The following DNAH3 variants were observed in gnomAD, a reference collection of about 807,000 sequenced individuals.
DNAH3 encodes dynein axonemal heavy chain 3.
Under a neutral mutation model 432.5 loss-of-function variants are expected in DNAH3, and 332 were observed. That is an observed-to-expected ratio of 0.77 (90% CI 0.70 to 0.84). DNAH3 has a LOEUF of 0.84. DNAH3 is among the 40% of genes least tolerant of loss of function. DNAH3 has a pLI of 0.00. For missense variants in DNAH3, 4,861 were observed against 5,114.0 expected, an observed-to-expected ratio of 0.95 and a Z score of 1.51; for synonymous variants, 1,956 against 1,900.2, an observed-to-expected ratio of 1.03 and a Z score of -0.76.
At chr16:21,068,082 G>C (rs565302580) in intron 23 of DNAH3, among the ~76,000 whole-genome samples, 1 of 152,168 alleles carries the variant, frequency 6.6e-6, no homozygotes, top group Non-Finnish European at 1.5e-5. Context: ...AAGCAGGGAA[G>C]ACAAATTGCT....
At chr16:21,029,630 A>C (rs944264602) in intron 37 of DNAH3, among the ~76,000 whole-genome samples, 2 of 152,180 alleles carry the variant, frequency 1.3e-5, no homozygotes, top group Non-Finnish European at 2.9e-5. Context: ...CCAGAGTCCA[A>C]GCTCTTTTAG....
At chr16:20,958,798 C>T (rs1596953871) in intron 54 of DNAH3, among the ~76,000 whole-genome samples, 1 of 152,132 alleles carries the variant, frequency 6.6e-6, no homozygotes, top group African/African-American at 2.4e-5. Flanking sequence ...GAGGAAGTCT[C>T]ACTCTGTCGC....
chr16:20,945,048 C>T (rs1401227951), intron 57 of DNAH3, among the ~76,000 whole-genome samples: 1 of 152,138 alleles, frequency 6.6e-6, no homozygotes, highest in Non-Finnish European at 1.5e-5. Context: ...ACCTAGTGGG[C>T]TGCATTCTTA....
intron 5 of DNAH3, among the ~76,000 whole-genome samples, chr16:21,137,949 G>A (rs998424798): frequency 1.3e-5 from 2 of 152,050 alleles, no homozygotes; most frequent in Non-Finnish European, 2.9e-5. Flanking sequence ...TTAAGTTTCA[G>A]ATCAGAAGAG....
chr16:21,046,437 C>A (rs1173806839), intron 31 of DNAH3, among the ~76,000 whole-genome samples: 1 of 151,042 alleles, frequency 6.6e-6, no homozygotes, highest in South Asian at 2.1e-4. Flanking sequence ...TAATGGCCTT[C>A]TTTGTCTCTT....
chr16:21,104,967 G>A (rs1015607990), intron 15 of DNAH3, among the ~76,000 whole-genome samples: 2 of 152,110 alleles, frequency 1.3e-5, no homozygotes, highest in Non-Finnish European at 1.5e-5. Flanking sequence ...TGATGCTCTC[G>A]TTCCACAGTT....
chr16:21,050,016 G>C, exon 30 of DNAH3: 1 of 1,609,418 alleles, frequency 6.2e-7, no homozygotes, highest in Non-Finnish European at 8.5e-7. Context: ...TCCCATCAGT[G>C]TCCTATGGGG....
intron 61 of DNAH3, 105 bp downstream of exon 61, chr16:20,935,243 G>A (rs1052745889): frequency 1.5e-6 from 2 of 1,340,372 alleles, no homozygotes; most frequent in African/African-American, 1.5e-5. Flanking sequence ...CATTTCAGAA[G>A]CATTTGGGTC....
chr16:21,106,422 T>C, intron 15 of DNAH3, 68 bp downstream of exon 15: 1 of 1,246,180 alleles, frequency 8.0e-7, no homozygotes, highest in Non-Finnish European at 1.1e-6. Context: ...TTTGAAATGT[T>C]ATATATACAA....
At position 21,034,007 on chromosome 16, in the gene DNAH3, CT is replaced by C; in HGVS notation, c.5163del (p.Val1722CysfsTer42). The C allele has an allele frequency of 6.2e-7, 1 of 1,613,856 alleles. No individual in the cohort carries two copies. The highest frequency in any genetic ancestry group is 8.5e-7 in the Non-Finnish European group (1 of 1,179,850). Reference sequence around the variant, plus strand: ...AAATCGCCGAGAGCTGCAGCCAACACTTTATAAGCAGAGGTCTTGCCGCCCA... The same window carrying C: ...AAATCGCCGAGAGCTGCAGCCAACACTTATAAGCAGAGGTCTTGCCGCCCA... On this transcript the variant is annotated frameshift_variant, in exon 36 of 62. Transcript: ENST00000261383. LOFTEE classifies it high-confidence loss of function.
intron 37 of DNAH3, among the ~76,000 whole-genome samples, chr16:21,027,445 C>T (rs1201223489): frequency 6.6e-6 from 1 of 152,106 alleles, no homozygotes; most frequent in Non-Finnish European, 1.5e-5. Flanking sequence ...CATATATCTA[C>T]ACATACATAT....
chr16:21,106,176 CTAAAAAAAAAA>C (rs1303076234), intron 15 of DNAH3, among the ~76,000 whole-genome samples: 16 of 99,584 alleles, frequency 1.6e-4, no homozygotes, highest in South Asian at 1.5e-3. Flanking sequence ...GAGACTCCAT[CTAAAAAAAAAA>C]AAAAAAAAAA....
In DNAH3 at chr16:21,041,529, A is replaced by G. The variant is rs1348806487; in HGVS notation, c.4638+498T>C. 3.3e-5 allele frequency among the ~76,000 whole-genome samples: 5 copies of G among 152,160 alleles called. No individual in the cohort carries two copies. In the East Asian group the frequency reaches 9.6e-4, roughly 29 times the overall value. On this transcript the variant is annotated intron_variant, in intron 32 of 61. Coordinates refer to ENST00000261383, the Ensembl canonical transcript of DNAH3. ...TGAGTAAGTTTCCAGGGCACCAGTCAGAATGCATTAGTAACAGGGGGTAGA... is the reference window on the plus strand; with the variant it reads ...TGAGTAAGTTTCCAGGGCACCAGTCGGAATGCATTAGTAACAGGGGGTAGA...
At chr16:21,080,478 T>C (rs917508698) in intron 20 of DNAH3, among the ~76,000 whole-genome samples, 1 of 152,234 alleles carries the variant, frequency 6.6e-6, no homozygotes, top group Non-Finnish European at 1.5e-5. Context: ...TCTTGTAGTA[T>C]GTCTTCGAAA....
chr16:20,988,172 CCA>C, intron 44 of DNAH3, 107 bp from the exon 45 acceptor site: 4 of 1,471,426 alleles, frequency 2.7e-6, no homozygotes, highest in Non-Finnish European at 2.8e-6. Flanking sequence ...CCTTCATGTT[CCA>C]GAGCTGTGCT....
At chr16:21,016,836 A>G (rs548412545) in intron 41 of DNAH3, among the ~76,000 whole-genome samples, 4 of 152,370 alleles carry the variant, frequency 2.6e-5, no homozygotes, top group Middle Eastern at 3.4e-3. Context: ...AAGAAAGGAA[A>G]TTCTGACACG....
At position 20,943,932 on chromosome 16, in the gene DNAH3, C is replaced by G. The variant is rs566276662; in HGVS notation, c.11511+564G>C. ...CTGGGAGGCGGAGGTTGCAGTGAGA[C>G]AAGATCACGCCACTGCGCTCCAGCC... is the stretch of plus-strand genomic sequence containing the variant. On this transcript the variant is annotated intron_variant, in intron 58 of 61. Coordinates refer to ENST00000261383, the Ensembl canonical transcript of DNAH3. Among the ~76,000 whole-genome samples the G allele has an allele frequency of 2.6e-5, 4 of 151,364 alleles. No individual in the cohort carries two copies. In the South Asian group the frequency reaches 6.3e-4, roughly 24 times the overall value.
Position 20,955,170 on chromosome 16 carries a change from T to G in DNAH3, c.10827-113A>C, listed in dbSNP as rs966365063. ...AAACAGACCAGCCTGGGTAACATGGTAAAACCCCATCTCTATGAAAAACAT... is the reference window on the plus strand; with the variant it reads ...AAACAGACCAGCCTGGGTAACATGGGAAAACCCCATCTCTATGAAAAACAT... On this transcript the variant is annotated intron_variant, in intron 54 of 61. Transcript: ENST00000261383. 4.0e-6 allele frequency: 4 copies of G among 1,003,314 alleles called. No individual in the cohort carries two copies. The African/African-American group carries it at 6.4e-5, about 16-fold the overall frequency. The allele number at this position is 1,003,314 out of a possible 1,614,324, so 62.2% of individuals were successfully genotyped here.
intron 12 of DNAH3, among the ~76,000 whole-genome samples, chr16:21,113,048 C>A (rs1412035633): frequency 6.6e-6 from 1 of 152,050 alleles, no homozygotes; most frequent in Non-Finnish European, 1.5e-5. Context: ...GCACTGTGGA[C>A]TTTTGGGTTG....
Sources: gnomAD v4.1 joint callset for allele counts (sites outside exome capture counted in the v4.1 genomes callset) on GRCh38, gnomAD v4.1.1 for gene constraint, MANE v1.5 for transcripts, NCBI Gene and HGNC (gene_info 2026-07-23, HGNC 2026-07-21) for gene names.